Variants in C7orf78 observed in about 807,000 individuals in gnomAD.
C7orf78 encodes the protein chromosome 7 open reading frame 78, also known as putative uncharacterized protein C7orf78.
At chr7:12,489,667 C>T in the C7orf78 span, among the ~76,000 whole-genome samples, 1 of 152,038 alleles carries the variant, frequency 6.6e-6, no homozygotes, top group Non-Finnish European at 1.5e-5. Context: ...GAGGGCAAGA[C>T]AAATACTATT....
At chr7:12,513,773 G>A in the C7orf78 span, among the ~76,000 whole-genome samples, 2 of 151,558 alleles carry the variant, frequency 1.3e-5, no homozygotes, top group Non-Finnish European at 2.9e-5. Context: ...GGCCGAGGCG[G>A]GTGGATCACG....
chr7:12,488,447 A>C, the C7orf78 span, among the ~76,000 whole-genome samples: 12 of 152,134 alleles, frequency 7.9e-5, no homozygotes, highest in African/African-American at 2.7e-4. Flanking sequence ...ATTGTAGCTT[A>C]CTGTCAATTA....
the C7orf78 span, among the ~76,000 whole-genome samples, chr7:12,488,731 G>A: frequency 6.6e-6 from 1 of 151,954 alleles, no homozygotes; most frequent in Non-Finnish European, 1.5e-5. Context: ...TATAAATTAT[G>A]TATTTATCTA....
At chr7:12,495,761 G>A in the C7orf78 span, among the ~76,000 whole-genome samples, 1 of 151,998 alleles carries the variant, frequency 6.6e-6, no homozygotes, top group Admixed American at 6.5e-5. Context: ...TATTACCACA[G>A]TAAATTTTAA....
At chr7:12,507,966 AC>A in the C7orf78 span, among the ~76,000 whole-genome samples, 19 of 152,194 alleles carry the variant, frequency 1.2e-4, no homozygotes, top group African/African-American at 4.6e-4. Context: ...ACAAAATGTT[AC>A]AAAAAGTACT....
chr7:12,523,062 C>A, the C7orf78 span: 1 of 398,298 alleles, frequency 2.5e-6, no homozygotes, highest in South Asian at 1.3e-4. Context: ...CTGCAATATC[C>A]TTCACGACAG....
the C7orf78 span, among the ~76,000 whole-genome samples, chr7:12,516,329 A>G: frequency 6.6e-6 from 1 of 152,326 alleles, no homozygotes; most frequent in East Asian, 1.9e-4. Flanking sequence ...AGAAGTCAAG[A>G]ACTGGGGTTT....
chr7:12,521,339 G>C, the C7orf78 span, among the ~76,000 whole-genome samples: 1 of 151,390 alleles, frequency 6.6e-6, no homozygotes, highest in African/African-American at 2.4e-5. Context: ...GTTGTTTTCT[G>C]TAGTGATAAA....
chr7:12,484,759 G>A, the C7orf78 span, among the ~76,000 whole-genome samples: 51 of 152,246 alleles, frequency 3.3e-4, no homozygotes, highest in Middle Eastern at 0.01. Flanking sequence ...TATTAGTACA[G>A]CATTCTAAAT....
At chr7:12,515,790 T>C in the C7orf78 span, among the ~76,000 whole-genome samples, 63 of 152,294 alleles carry the variant, frequency 4.1e-4, no homozygotes, top group African/African-American at 1.4e-3. Context: ...ATTTTGCTCC[T>C]GCCCTAGAGA....
At chr7:12,486,132 A>G in the C7orf78 span, among the ~76,000 whole-genome samples, 1 of 152,118 alleles carries the variant, frequency 6.6e-6, no homozygotes, top group Non-Finnish European at 1.5e-5. Context: ...AAAGTGGCCT[A>G]TACAAGTTCA....
At chr7:12,510,078 A>G in the C7orf78 span, among the ~76,000 whole-genome samples, 1 of 150,444 alleles carries the variant, frequency 6.6e-6, no homozygotes, top group Non-Finnish European at 1.5e-5. Flanking sequence ...TCTTTATTTT[A>G]TGGTTGACGG....
chr7:12,519,702 T>G, the C7orf78 span, among the ~76,000 whole-genome samples: 2 of 152,242 alleles, frequency 1.3e-5, no homozygotes, highest in Non-Finnish European at 2.9e-5. Context: ...CTTGGTGTGC[T>G]GCACCATTTT....
the C7orf78 span, among the ~76,000 whole-genome samples, chr7:12,509,416 T>C: frequency 6.6e-6 from 1 of 152,208 alleles, no homozygotes; most frequent in Non-Finnish European, 1.5e-5. Context: ...TCATTATCCA[T>C]TTGGTCCTTA....
At chr7:12,513,465 A>G in the C7orf78 span, among the ~76,000 whole-genome samples, 2 of 152,206 alleles carry the variant, frequency 1.3e-5, no homozygotes, top group South Asian at 4.1e-4. Flanking sequence ...TTGCATTTGT[A>G]TCAAGAAATT....
At chr7:12,508,100 CA>C in the C7orf78 span, among the ~76,000 whole-genome samples, 1 of 152,058 alleles carries the variant, frequency 6.6e-6, no homozygotes, top group Admixed American at 6.6e-5. Flanking sequence ...AAAAGATAAC[CA>C]ACTGACATGA....
chr7:12,507,440 G>T, the C7orf78 span: 5 of 198,752 alleles, frequency 2.5e-5, no homozygotes, highest in Admixed American at 4.7e-5. Flanking sequence ...AGTGATGAGA[G>T]AGAGAGACGG....
At chr7:12,487,605 G>C in the C7orf78 span, among the ~76,000 whole-genome samples, 1 of 152,138 alleles carries the variant, frequency 6.6e-6, no homozygotes, top group East Asian at 1.9e-4. Context: ...AAAATATTTT[G>C]AGTGTTTTTC....
the C7orf78 span, among the ~76,000 whole-genome samples, chr7:12,531,698 C>T: frequency 6.6e-6 from 1 of 152,016 alleles, no homozygotes; most frequent in African/African-American, 2.4e-5. Flanking sequence ...ATAATAGTAC[C>T]AACTTTGCAG....
Sources: allele counts gnomAD v4.1 joint callset (sites outside exome capture counted in the v4.1 genomes callset), GRCh38; gene constraint gnomAD v4.1.1; transcripts MANE v1.5; gene names NCBI Gene and HGNC (gene_info 2026-07-23, HGNC 2026-07-21).